The following ARHGAP6 variants were observed in gnomAD, a reference collection of about 807,000 sequenced individuals.
ARHGAP6 encodes rho GTPase-activating protein 6.
A neutral mutation model predicts 55.7 loss-of-function variants in ARHGAP6; 16 were observed. That is an observed-to-expected ratio of 0.29 (90% CI 0.19 to 0.44). The LOEUF (loss-of-function observed/expected upper bound fraction) is 0.44. Ranked by LOEUF, ARHGAP6 falls within the 20% of genes least tolerant of loss-of-function variation. ARHGAP6 has a pLI of 1.00. For synonymous variants in ARHGAP6, 382 were observed against 360.9 expected, an observed-to-expected ratio of 1.06 and a Z score of -0.66; for missense variants, 698 against 808.9, an observed-to-expected ratio of 0.86 and a Z score of 1.66.
At chrX:11,153,048 TC>T (rs1255166240) in intron 10 of ARHGAP6, among the ~76,000 whole-genome samples, 1 of 111,467 alleles carries the variant, frequency 9.0e-6, no homozygotes, top group Non-Finnish European at 1.9e-5. Context: ...GTCTGAAAGC[TC>T]CTAAAAGCAA....
intron 12 of ARHGAP6, among the ~76,000 whole-genome samples, chrX:11,140,794 G>A (rs773019065): frequency 8.9e-6 from 1 of 112,303 alleles, no homozygotes; most frequent in African/African-American, 3.2e-5. Context: ...GAAACTGAAG[G>A]GAAAGAAATA....
intron 2 of ARHGAP6, among the ~76,000 whole-genome samples, chrX:11,210,462 T>A (rs1602869253): frequency 8.9e-6 from 1 of 112,780 alleles, no homozygotes; most frequent in East Asian, 2.7e-4. Context: ...CATGTGAATT[T>A]CTGCTATAAC....
intron 1 of ARHGAP6, among the ~76,000 whole-genome samples, chrX:11,551,698 A>G (rs1318319573): frequency 8.9e-6 from 1 of 112,011 alleles, no homozygotes; most frequent in Non-Finnish European, 1.9e-5. Context: ...TCCTTGTGAA[A>G]TAGGGAAGTT....
At chrX:11,167,722 A>ATTAT (rs770252972) in intron 9 of ARHGAP6, among the ~76,000 whole-genome samples, 1 of 112,128 alleles carries the variant, frequency 8.9e-6, no homozygotes, top group South Asian at 3.7e-4. Context: ...GATGAGAAGT[A>ATTAT]TTATTTTGTT....
chrX:11,143,825 C>T (rs765276682), intron 11 of ARHGAP6, 155 bp downstream of exon 11: 6 of 1,170,915 alleles, frequency 5.1e-6, no homozygotes, highest in South Asian at 2.0e-5. Flanking sequence ...CTAGAGTAGG[C>T]GTTCAGCAGG....
intron 2 of ARHGAP6, among the ~76,000 whole-genome samples, chrX:11,229,209 T>C (rs1329819760): frequency 8.9e-6 from 1 of 112,035 alleles, no homozygotes; most frequent in African/African-American, 3.2e-5. Flanking sequence ...AAAAAATAGA[T>C]ATACTCTATG....
At chrX:11,436,369 G>A (rs145631805) in intron 1 of ARHGAP6, among the ~76,000 whole-genome samples, 9,154 of 111,829 alleles carry the variant, frequency 0.082, 435 homozygotes, top group East Asian at 0.18. Flanking sequence ...AGTTGAAGGA[G>A]GACATAAAGA....
chrX:11,192,150 C>T (rs779613224), intron 3 of ARHGAP6, among the ~76,000 whole-genome samples: 3 of 112,134 alleles, frequency 2.7e-5, no homozygotes, highest in Non-Finnish European at 5.6e-5. Flanking sequence ...TATTCTTCAT[C>T]TTCCCTTATC....
intron 1 of ARHGAP6, among the ~76,000 whole-genome samples, chrX:11,516,305 C>T (rs2050839822): frequency 9.0e-6 from 1 of 111,635 alleles, no homozygotes; most frequent in Admixed American, 9.5e-5. Context: ...AGTTCAGTAG[C>T]GTTAAGTACT....
chrX:11,635,269 A>C (rs1281926409), intron 1 of ARHGAP6, among the ~76,000 whole-genome samples: 1 of 112,171 alleles, frequency 8.9e-6, no homozygotes, highest in Admixed American at 9.5e-5. Flanking sequence ...ATCACTGTAT[A>C]GTATATAAAT....
intron 1 of ARHGAP6, among the ~76,000 whole-genome samples, chrX:11,660,898 T>G (rs2052695243): frequency 9.0e-6 from 1 of 111,191 alleles, no homozygotes; most frequent in East Asian, 2.8e-4. Context: ...CAGTGAATCA[T>G]CACCCGCCCC....
chrX:11,555,119 T>A (rs749499894), intron 1 of ARHGAP6, among the ~76,000 whole-genome samples: 38 of 112,081 alleles, frequency 3.4e-4, no homozygotes, highest in Non-Finnish European at 6.2e-4. Context: ...TGCCAGTTCA[T>A]GAAATGTGTC....
At chrX:11,332,353 G>C (rs1445365389) in intron 1 of ARHGAP6, among the ~76,000 whole-genome samples, 1 of 111,760 alleles carries the variant, frequency 8.9e-6, no homozygotes, top group Non-Finnish European at 1.9e-5. Flanking sequence ...TCATTAATTT[G>C]CAACTTTTTT....
At chrX:11,461,689 G>C (rs186432995) in intron 1 of ARHGAP6, among the ~76,000 whole-genome samples, 128 of 112,453 alleles carry the variant, frequency 1.1e-3, no homozygotes, top group African/African-American at 3.9e-3. Context: ...TTTCAGGGAT[G>C]ATGAAGCAAA....
chrX:11,341,354 A>C (rs1262952221), intron 1 of ARHGAP6, among the ~76,000 whole-genome samples: 1 of 111,774 alleles, frequency 8.9e-6, no homozygotes, highest in East Asian at 2.8e-4. Flanking sequence ...GTACTGACTC[A>C]AAACATACTT....
intron 1 of ARHGAP6, among the ~76,000 whole-genome samples, chrX:11,547,496 C>G: frequency 9.0e-6 from 1 of 111,668 alleles, no homozygotes; most frequent in East Asian, 2.8e-4. Flanking sequence ...AGTCCCTTCT[C>G]TGGGATTCAC....
chrX:11,660,233 C>A (rs2052680680), intron 1 of ARHGAP6, among the ~76,000 whole-genome samples: 1 of 110,882 alleles, frequency 9.0e-6, no homozygotes, highest in Non-Finnish European at 1.9e-5. Flanking sequence ...TGTGCTTTGA[C>A]CAGTCTCTCA....
At chrX:11,186,194 A>G in intron 5 of ARHGAP6, 42 bp downstream of exon 5, 1 of 1,123,741 alleles carries the variant, frequency 8.9e-7, no homozygotes, top group Non-Finnish European at 1.2e-6. Flanking sequence ...ATGCTTGAAT[A>G]AATGAAAGTC....
intron 1 of ARHGAP6, among the ~76,000 whole-genome samples, chrX:11,348,819 A>G (rs1003196326): frequency 2.7e-5 from 3 of 110,429 alleles, no homozygotes; most frequent in East Asian, 5.7e-4. Context: ...CTAATTAAAA[A>G]AAGTTTTTTT....
Sources: gnomAD v4.1 joint callset for allele counts (sites outside exome capture counted in the v4.1 genomes callset) on GRCh38, gnomAD v4.1.1 for gene constraint, MANE v1.5 for transcripts, NCBI Gene and HGNC (gene_info 2026-07-23, HGNC 2026-07-21) for gene names.